Variants in ABCG8 observed in about 807,000 individuals in gnomAD.
ABCG8 encodes the protein ATP binding cassette subfamily G member 8, also known as ATP-binding cassette sub-family G member 8.
Under a neutral mutation model 71.3 loss-of-function variants are expected in ABCG8, and 81 were observed. That is an observed-to-expected ratio of 1.14 (90% CI 0.95 to 1.37). The LOEUF (loss-of-function observed/expected upper bound fraction) is 1.37. Ranked by LOEUF, ABCG8 falls within the 40% of genes most tolerant of loss-of-function variation. ABCG8 has a pLI of 0.00. For synonymous variants in ABCG8, 451 were observed against 354.7 expected (o/e 1.27, Z -3.05); for missense variants, 1,119 against 866.2 (o/e 1.29, Z -3.66).
In ABCG8 at chr2:43,851,711, C is replaced by T. The variant is rs200013237; in HGVS notation, c.450C>T (p.His150=). The change falls in exon 4 of 13, where the codon CAC becomes CAT. Residue 150 remains histidine, a synonymous_variant. Coordinates refer to ENST00000272286, the MANE Select transcript of ABCG8 (RefSeq NM_022437.3). The part of the protein sequence containing the change: ...SPQLVRKCVA[H]VRQHNQLLPN... ...AGCTGGTGAGGAAGTGTGTGGCCCA[C>T]GTGCGCCAGCACAACCAGCTGCTCC... 124 of 1,614,234 alleles carry T rather than the reference C, an allele frequency of 7.7e-5. No homozygotes were observed. The highest frequency in any genetic ancestry group is 4.7e-4 in the Admixed American group (28 of 60,034).
At position 43,875,335 on chromosome 2, in the gene ABCG8, T is replaced by G; in HGVS notation, c.1678T>G (p.Ser560Ala). 6.2e-7 allele frequency: 1 copy of G among 1,614,144 alleles called. No homozygotes were observed. ...AALLPTFHMA[S>A]FFSNALYNSF... ...CCTGCTCCCCACCTTCCACATGGCC[T>G]CCTTCTTCAGCAATGCCCTCTACAA... The change falls in exon 11 of 13, where the codon TCC (serine) becomes GCC (alanine). Residue 560 changes from serine (S) to alanine (A), a missense_variant. Coordinates refer to ENST00000272286, the MANE Select transcript of ABCG8 (RefSeq NM_022437.3).
At chr2:43,853,836 G>C (rs944689884) in intron 6 of ABCG8, among the ~76,000 whole-genome samples, 1 of 152,190 alleles carries the variant, frequency 6.6e-6, no homozygotes, top group Admixed American at 6.5e-5. Flanking sequence ...TCGTCCAGCA[G>C]CCCACACCCT....
intron 2 of ABCG8, 25 bp from the exon 3 acceptor site, chr2:43,846,130 G>A: frequency 1.2e-6 from 2 of 1,612,286 alleles, no homozygotes; most frequent in Non-Finnish European, 1.7e-6. Flanking sequence ...AGCTCTCTAA[G>A]GAACCTTCTG....
At chr2:43,845,686 A>G (rs1028707630) in intron 2 of ABCG8, among the ~76,000 whole-genome samples, 1 of 151,904 alleles carries the variant, frequency 6.6e-6, no homozygotes, top group Admixed American at 6.6e-5. Flanking sequence ...CAGTGGTGCA[A>G]TCTTGGCTGA....
intron 6 of ABCG8, among the ~76,000 whole-genome samples, chr2:43,867,282 C>A (rs1170793031): frequency 6.6e-6 from 1 of 151,558 alleles, no homozygotes; most frequent in South Asian, 2.1e-4. Context: ...ACCAGCATGT[C>A]ACACGTATGC....
At chr2:43,840,223 T>A (rs1668529307) in intron 1 of ABCG8, among the ~76,000 whole-genome samples, 2 of 152,242 alleles carry the variant, frequency 1.3e-5, no homozygotes, top group African/African-American at 2.4e-5. Context: ...TTTCCAGGAC[T>A]TGACTCGGCC....
chr2:43,862,789 C>A (rs6544715), intron 6 of ABCG8, among the ~76,000 whole-genome samples: 75,576 of 149,994 alleles, frequency 0.5, 19,401 homozygotes, highest in East Asian at 0.86. Flanking sequence ...CTCACTATCT[C>A]TCTGTGTAGA....
intron 2 of ABCG8, among the ~76,000 whole-genome samples, chr2:43,845,336 C>T (rs1572824543): frequency 6.6e-6 from 1 of 152,108 alleles, no homozygotes; most frequent in East Asian, 1.9e-4. Flanking sequence ...TGAGTTGGGA[C>T]AAGCCAATGA....
intron 6 of ABCG8, among the ~76,000 whole-genome samples, chr2:43,866,606 C>A (rs1482057742): frequency 2.6e-5 from 4 of 152,148 alleles, no homozygotes; most frequent in African/African-American, 7.2e-5. Context: ...TGCTCACCAC[C>A]ACTGGCCATC....
intron 6 of ABCG8, among the ~76,000 whole-genome samples, chr2:43,864,561 T>C (rs1195939790): frequency 3.3e-5 from 5 of 151,864 alleles, no homozygotes; most frequent in African/African-American, 1.2e-4. Context: ...TATAGAACTC[T>C]AACTATCTGG....
At chr2:43,851,440 G>T in intron 3 of ABCG8, 144 bp from the exon 4 acceptor site, 1 of 913,108 alleles carries the variant, frequency 1.1e-6, no homozygotes. Flanking sequence ...TCTAGGTCCA[G>T]GGACTATGCC....
intron 1 of ABCG8, among the ~76,000 whole-genome samples, chr2:43,839,590 C>T (rs754544924): frequency 2.0e-5 from 3 of 151,804 alleles, no homozygotes; most frequent in Non-Finnish European, 4.4e-5. Flanking sequence ...CCACACCTGG[C>T]AAATTTTGTA....
In ABCG8 at chr2:43,863,359, A is replaced by C. The variant is rs374793851; in HGVS notation, c.965-8617A>C. Among the ~76,000 whole-genome samples, 20 of 150,916 alleles carry C rather than the reference A, an allele frequency of 1.3e-4. No individual in the cohort carries two copies. The East Asian group carries it at 3.9e-3, about 29-fold the overall frequency. ...TCACTATCTGGATAGAACTCTCACT[A>C]TCTGCATAGAATTCTCACTCTCTAG... is the stretch of plus-strand genomic sequence containing the variant. On this transcript the variant is annotated intron_variant, in intron 6 of 12. Coordinates refer to ENST00000272286, the MANE Select transcript of ABCG8 (RefSeq NM_022437.3).
At chr2:43,868,750 C>T (rs900910674) in intron 6 of ABCG8, among the ~76,000 whole-genome samples, 3 of 151,802 alleles carry the variant, frequency 2.0e-5, no homozygotes, top group Admixed American at 6.6e-5. Flanking sequence ...ATAGAATTCT[C>T]ACTCTGTGGA....
chr2:43,839,125 G>A lies in ABCG8; in HGVS notation c.63+9G>A. The A allele has an allele frequency of 6.4e-7, 1 of 1,551,164 alleles. No homozygotes were observed. The highest frequency in any genetic ancestry group is 1.2e-5 in the South Asian group (1 of 84,054). On this transcript the variant is annotated intron_variant, in intron 1 of 12. Coordinates refer to ENST00000272286, the MANE Select transcript of ABCG8 (RefSeq NM_022437.3). ...CTCCCCAGGATACCTCGGTGAGTGA[G>A]CAATGGGAAGTCGGCCCAGGCCTGG...
rs137854891 is a variant in ABCG8, at chr2:43,846,309, C to G, written c.320C>G (p.Ser107Ter). The G allele has an allele frequency of 1.3e-5, 21 of 1,614,150 alleles. No homozygotes were observed. Among genetic ancestry groups the G allele is most frequent in the Non-Finnish European group, 1.8e-5 (21 of 1,180,030 alleles). The stretch of plus-strand genomic sequence containing the variant: ...CAGATGCTGGCCATCATAGGGAGCT[C>G]AGGTACCGGAAAGGCAAATCGCTGG... ...SGQMLAIIGS[S>*]GCGRASLLDV... The change falls in exon 3 of 13, where the codon TCA (serine) becomes TGA (stop). Residue 107 changes from serine to a stop codon, truncating the protein, a stop_gained and splice_region_variant. Coordinates refer to ENST00000272286, the MANE Select transcript of ABCG8 (RefSeq NM_022437.3). LOFTEE classifies it high-confidence loss of function.
At position 43,881,384 on chromosome 2, in the gene ABCG8, C is replaced by T. The variant is rs527856701; in HGVS notation, c.*3471C>T. On this transcript the variant is annotated 3_prime_UTR_variant, in exon 13 of 13. Coordinates refer to ENST00000272286, the MANE Select transcript of ABCG8 (RefSeq NM_022437.3). ...CCATGGGTCTGTTTTGTTTAAAATG[C>T]TCTTCAAGGCATTGTGAGGCCAGGA... 3 of 152,300 alleles carry T rather than the reference C, an allele frequency of 2.0e-5. No homozygotes were observed. Among genetic ancestry groups the T allele is most frequent in the Admixed American group, 6.5e-5 (1 of 15,302 alleles). 9.4% of individuals were successfully genotyped at this position (152,300 alleles called of 1,614,324 possible).
At chr2:43,857,540 C>T (rs1475612107) in intron 6 of ABCG8, among the ~76,000 whole-genome samples, 1 of 151,252 alleles carries the variant, frequency 6.6e-6, no homozygotes, top group African/African-American at 2.4e-5. Context: ...GAATTCTCAA[C>T]ATCTGGATAG....
At position 43,878,003 on chromosome 2, in the gene ABCG8, A is replaced by AG; in HGVS notation, c.*92dup. ...CAGGAGCCCCTTCCTGGGGACAGTG[A>AG]GGACAATGACCCTACAGATGCTCAG... On this transcript the variant is annotated 3_prime_UTR_variant, in exon 13 of 13. Transcript: ENST00000272286. 6.3e-7 allele frequency: 1 copy of AG among 1,583,936 alleles called. No individual in the cohort carries two copies. The highest frequency in any genetic ancestry group is 8.6e-7 in the Non-Finnish European group (1 of 1,159,024).
Sources: gnomAD v4.1 joint callset for allele counts (sites outside exome capture counted in the v4.1 genomes callset) on GRCh38, gnomAD v4.1.1 for gene constraint, MANE v1.5 for transcripts, NCBI Gene and HGNC (gene_info 2026-07-23, HGNC 2026-07-21) for gene names.